The following SCFD1 variants were observed in gnomAD, a reference collection of about 807,000 sequenced individuals.
SCFD1 encodes the protein sec1 family domain-containing protein 1.
A neutral mutation model predicts 103.2 loss-of-function variants in SCFD1; 37 were observed. That is an observed-to-expected ratio of 0.36 (90% CI 0.28 to 0.47). SCFD1 has a LOEUF of 0.47. Ranked by LOEUF, SCFD1 falls within the 20% of genes least tolerant of loss-of-function variation. The probability of loss-of-function intolerance (pLI) is 1.00; values close to 1 mark genes in which losing one functional copy is unlikely to be tolerated. For synonymous variants in SCFD1, 264 were observed against 245.0 expected, an observed-to-expected ratio of 1.08 and a Z score of -0.73; for missense variants, 639 against 761.2, an observed-to-expected ratio of 0.84 and a Z score of 1.89.
intron 3 of SCFD1, among the ~76,000 whole-genome samples, chr14:30,632,502 G>A (rs1356705271): frequency 1.3e-5 from 2 of 152,080 alleles, no homozygotes; most frequent in African/African-American, 2.4e-5. Context: ...ATGAAATACG[G>A]TATTTGATGA....
chr14:30,674,890 C>T, intron 13 of SCFD1, 94 bp from the exon 14 acceptor site: 1 of 622,312 alleles, frequency 1.6e-6, no homozygotes. Flanking sequence ...TTTCACTGTT[C>T]TGAGTTTCCA....
At chr14:30,651,553 A>G (rs973904647) in intron 9 of SCFD1, among the ~76,000 whole-genome samples, 2 of 147,066 alleles carry the variant, frequency 1.4e-5, no homozygotes, top group Non-Finnish European at 3.0e-5. Context: ...AAAAACATCA[A>G]ATTCTCACCT....
chr14:30,669,354 A>AT (rs1308769663), intron 10 of SCFD1, among the ~76,000 whole-genome samples: 4 of 151,966 alleles, frequency 2.6e-5, no homozygotes, highest in Non-Finnish European at 1.5e-5. Context: ...TTCATCAATC[A>AT]TTTACTTGTT....
At chr14:30,666,599 CAATG>C (rs1217295409) in intron 10 of SCFD1, among the ~76,000 whole-genome samples, 1 of 152,002 alleles carries the variant, frequency 6.6e-6, no homozygotes, top group Non-Finnish European at 1.5e-5. Context: ...TCAAAAAAAT[CAATG>C]AATCCAGGAG....
chr14:30,715,027 C>T (rs1031832575), intron 19 of SCFD1, among the ~76,000 whole-genome samples: 5 of 152,176 alleles, frequency 3.3e-5, no homozygotes, highest in African/African-American at 4.8e-5. Context: ...TTGTACATTT[C>T]GTGTTCAAAG....
chr14:30,704,433 A>G (rs1395841318), intron 17 of SCFD1, among the ~76,000 whole-genome samples: 2 of 152,222 alleles, frequency 1.3e-5, no homozygotes, highest in Non-Finnish European at 2.9e-5. Flanking sequence ...GGAAGTATTT[A>G]CTGTTTGCCT....
intron 19 of SCFD1, among the ~76,000 whole-genome samples, chr14:30,709,821 G>A (rs370210496): frequency 1.3e-5 from 2 of 152,038 alleles, no homozygotes; most frequent in Admixed American, 6.6e-5. Context: ...CAACTTCTAC[G>A]GTAATGTCTG....
intron 10 of SCFD1, among the ~76,000 whole-genome samples, chr14:30,665,188 G>T (rs763039879): frequency 7.2e-5 from 11 of 152,250 alleles, no homozygotes; most frequent in Admixed American, 2.0e-4. Flanking sequence ...ACTAACAGTG[G>T]ATCTCTCAGC....
At chr14:30,696,766 A>G (rs755396710) in intron 15 of SCFD1, among the ~76,000 whole-genome samples, 4 of 152,160 alleles carry the variant, frequency 2.6e-5, no homozygotes, top group Admixed American at 2.6e-4. Context: ...ATGTCTAGGT[A>G]TGTGGATGGG....
intron 19 of SCFD1, among the ~76,000 whole-genome samples, chr14:30,714,311 G>A (rs1037142325): frequency 2.7e-5 from 4 of 149,150 alleles, no homozygotes; most frequent in African/African-American, 5.0e-5. Context: ...CCGAGATTGC[G>A]CCACTGCAGT....
intron 10 of SCFD1, among the ~76,000 whole-genome samples, chr14:30,663,727 T>G (rs1050022403): frequency 1.3e-5 from 2 of 152,214 alleles, no homozygotes; most frequent in African/African-American, 4.8e-5. Context: ...GTGATACAAC[T>G]AAAACATAAT....
At chr14:30,637,328 T>TG (rs1555346186) in intron 4 of SCFD1, among the ~76,000 whole-genome samples, 1 of 152,108 alleles carries the variant, frequency 6.6e-6, no homozygotes, top group Non-Finnish European at 1.5e-5. Context: ...GTGAAAAACA[T>TG]GGTTCCCAGT....
At chr14:30,717,283 C>G (rs1043924393) in intron 20 of SCFD1, among the ~76,000 whole-genome samples, 2 of 152,160 alleles carry the variant, frequency 1.3e-5, no homozygotes, top group African/African-American at 4.8e-5. Context: ...TGAGACCAGC[C>G]TAGGCCATGT....
chr14:30,657,697 A>G (rs1262934161), intron 10 of SCFD1, among the ~76,000 whole-genome samples: 2 of 152,188 alleles, frequency 1.3e-5, no homozygotes, highest in African/African-American at 4.8e-5. Context: ...ATTTTTGTTG[A>G]TTGCTAAACC....
intron 14 of SCFD1, among the ~76,000 whole-genome samples, chr14:30,676,983 G>C (rs1316946142): frequency 1.3e-5 from 2 of 152,188 alleles, no homozygotes; most frequent in African/African-American, 4.8e-5. Context: ...CCATCTGTCT[G>C]AGATAGTTTA....
In SCFD1 at chr14:30,681,521, A is replaced by G. The variant is rs146521616; in HGVS notation, c.1242+6456A>G. The stretch of plus-strand genomic sequence containing the variant: ...AGATTAAATATTGTGTTCATATTCT[A>G]AAACAGATTTAAGGCAGCTCCCTCA... On this transcript the variant is annotated intron_variant, in intron 14 of 24. Transcript: ENST00000458591. Among the ~76,000 whole-genome samples the G allele has an allele frequency of 3.4e-3, 514 of 151,940 alleles. 6 individuals are homozygous for G. Among genetic ancestry groups the G allele is most frequent in the African/African-American group, 0.012 (492 of 41,554 alleles).
chr14:30,717,364 C>A (rs1177716506), intron 20 of SCFD1, among the ~76,000 whole-genome samples: 1 of 151,996 alleles, frequency 6.6e-6, no homozygotes, highest in Non-Finnish European at 1.5e-5. Flanking sequence ...GTAGTCCCAG[C>A]TATTCAGGAG....
intron 15 of SCFD1, among the ~76,000 whole-genome samples, chr14:30,695,281 G>C (rs999262032): frequency 6.6e-6 from 1 of 152,122 alleles, no homozygotes; most frequent in African/African-American, 2.4e-5. Context: ...CATGTTTAGG[G>C]AGTTTACTTT....
At chr14:30,641,261 A>G (rs1885244366) in intron 6 of SCFD1, among the ~76,000 whole-genome samples, 1 of 152,162 alleles carries the variant, frequency 6.6e-6, no homozygotes. Context: ...ATTTGCAAAT[A>G]TTTTTCATTC....
Sources: gnomAD v4.1 joint callset for allele counts (sites outside exome capture counted in the v4.1 genomes callset) on GRCh38, gnomAD v4.1.1 for gene constraint, MANE v1.5 for transcripts, NCBI Gene and HGNC (gene_info 2026-07-23, HGNC 2026-07-21) for gene names.